The following MYO9A variants were observed in gnomAD, a reference collection of about 807,000 sequenced individuals.
The protein encoded by MYO9A is myosin IXA, also known as unconventional myosin-IXa.
A neutral mutation model predicts 293.3 loss-of-function variants in MYO9A; 103 were observed. The ratio of observed to expected loss-of-function variants is 0.35; its 90% CI spans 0.30 to 0.41. MYO9A has a LOEUF of 0.41. MYO9A is among the 10% of genes least tolerant of loss of function. MYO9A has a pLI of 1.00. For synonymous variants in MYO9A, 1,001 were observed against 1,035.7 expected (o/e 0.97, Z 0.64); for missense variants, 2,685 against 3,033.0 (o/e 0.89, Z 2.69).
At chr15:72,023,331 G>C (rs968720328) in intron 4 of MYO9A, among the ~76,000 whole-genome samples, 1 of 152,142 alleles carries the variant, frequency 6.6e-6, no homozygotes, top group African/African-American at 2.4e-5. Context: ...CCATTAAAAA[G>C]ACTCCTATGG....
At chr15:71,862,218 G>A (rs2056164727) in intron 33 of MYO9A, among the ~76,000 whole-genome samples, 1 of 152,148 alleles carries the variant, frequency 6.6e-6, no homozygotes, top group Non-Finnish European at 1.5e-5. Context: ...AAGGTGAGAT[G>A]TGAGTGTAGG....
At chr15:71,926,578 A>C (rs747770969) in intron 18 of MYO9A, among the ~76,000 whole-genome samples, 2 of 152,152 alleles carry the variant, frequency 1.3e-5, no homozygotes, top group Admixed American at 6.5e-5. Context: ...ATGGTGGTAC[A>C]TGCCTATATT....
intron 18 of MYO9A, among the ~76,000 whole-genome samples, chr15:71,922,296 T>G (rs1031576021): frequency 1.3e-5 from 2 of 152,196 alleles, no homozygotes; most frequent in African/African-American, 4.8e-5. Context: ...ATCTTTAATC[T>G]ACTTTAGGTC....
In MYO9A at chr15:71,826,912, A is replaced by G; in HGVS notation, c.7315T>C (p.Ser2439Pro). 6.2e-7 allele frequency: 1 copy of G among 1,614,120 alleles called. No individual in the cohort carries two copies. The highest frequency in any genetic ancestry group is 8.5e-7 in the Non-Finnish European group (1 of 1,179,982). Reference protein sequence around the residue: ...VDSSVSSLCLSNTASSHGTRK... With the variant: ...VDSSVSSLCLPNTASSHGTRK... Reference sequence around the variant, plus strand: ...GTCCCATGAGATGATGCCGTGTTAGACAGACATAAAGAGGAGACCGAAGAG... The same window carrying G: ...GTCCCATGAGATGATGCCGTGTTAGGCAGACATAAAGAGGAGACCGAAGAG... The change falls in exon 42 of 42, where the codon TCT becomes CCT. Residue 2439 changes from serine (S) to proline (P), a missense_variant. By Grantham distance (74) the Ser-to-Pro change is moderately conservative. This residue lies in a region of MYO9A where 350 missense variants were observed against 328.9 expected (regional missense o/e 1.06). Transcript: ENST00000356056.
intron 32 of MYO9A, among the ~76,000 whole-genome samples, chr15:71,872,973 C>T (rs928182913): frequency 2.0e-5 from 3 of 151,450 alleles, no homozygotes; most frequent in East Asian, 3.9e-4. Flanking sequence ...AGTGCAGTGG[C>T]GCGATCTCGG....
intron 13 of MYO9A, among the ~76,000 whole-genome samples, chr15:71,963,686 AG>A (rs2075802239): frequency 6.6e-6 from 1 of 152,136 alleles, no homozygotes; most frequent in Non-Finnish European, 1.5e-5. Flanking sequence ...TCCTGACCTC[AG>A]GTGATCTGCC....
chr15:71,886,659 C>T (rs1013070940), intron 27 of MYO9A, among the ~76,000 whole-genome samples: 2 of 152,144 alleles, frequency 1.3e-5, no homozygotes, highest in African/African-American at 4.8e-5. Context: ...TATGTATTAA[C>T]ATATTTAAAA....
Position 71,899,810 on chromosome 15 carries a change from T to C in MYO9A, c.3347A>G (p.His1116Arg), listed in dbSNP as rs377637966. The C allele has an allele frequency of 3.1e-6, 5 of 1,614,212 alleles. No individual in the cohort carries two copies. Among genetic ancestry groups the C allele is most frequent in the Non-Finnish European group, 8.5e-7 (1 of 1,180,042 alleles). Residue 1116 changes from histidine (H) to arginine (R), a missense_variant, in exon 24 of 42, where the codon CAC (histidine) becomes CGC (arginine). By Grantham distance (29) the His-to-Arg change is conservative (BLOSUM62 0). This residue lies in a region of MYO9A where 1,434 missense variants were observed against 1,497.7 expected (regional missense o/e 0.96). Coordinates refer to ENST00000356056, the MANE Select transcript of MYO9A (RefSeq NM_006901.4). ...QKWRDYYRRR[H>R]MAAICIQARW... ...TGCTTGTATGCAAATAGCAGCCATG[T>C]GCCTGCGCCTATAGTAATCTCTCCA...
At chr15:71,867,308 ACTGAGAATTC>A (rs896260884) in intron 32 of MYO9A, among the ~76,000 whole-genome samples, 2 of 152,192 alleles carry the variant, frequency 1.3e-5, no homozygotes, top group African/African-American at 4.8e-5. Context: ...GGAAGAAAAC[ACTGAGAATTC>A]CTTTATAACC....
intron 11 of MYO9A, among the ~76,000 whole-genome samples, chr15:71,983,466 A>ATTTTTTTTTTTTTTTTTTTTT (rs1217052840): frequency 1.2e-5 from 1 of 84,574 alleles, no homozygotes; most frequent in Non-Finnish European, 2.5e-5. Flanking sequence ...TATTTTTTTT[A>ATTTTTTTTTTTTTTTTTTTTT]TTTCTTTTTT....
chr15:71,917,895 AAAG>A (rs1372248390), intron 18 of MYO9A, among the ~76,000 whole-genome samples: 2 of 152,342 alleles, frequency 1.3e-5, no homozygotes, highest in Admixed American at 1.3e-4. Context: ...ATGCAAATTG[AAAG>A]AAGTACAACA....
chr15:72,030,904 T>C (rs968402433), intron 3 of MYO9A, among the ~76,000 whole-genome samples: 5 of 152,164 alleles, frequency 3.3e-5, no homozygotes, highest in African/African-American at 1.2e-4. Context: ...CCCCAGGGCA[T>C]GGACTCGTAG....
rs373216839 is a variant in MYO9A at position 72,088,091 on chromosome 15, G to T, written c.-72+29589C>A. Among the ~76,000 whole-genome samples, 27 of 152,290 alleles carry T rather than the reference G, an allele frequency of 1.8e-4. 1 individual carries two copies. The South Asian group carries it at 5.2e-3, about 29-fold the overall frequency. ...AGCAGCTACCAGCAAGCCAAAAAAAGAGGCTCCAGGAGAAACTAAACCTGA... is the reference window on the plus strand; with the variant it reads ...AGCAGCTACCAGCAAGCCAAAAAAATAGGCTCCAGGAGAAACTAAACCTGA... On this transcript the variant is annotated intron_variant, in intron 1 of 41. Transcript: ENST00000356056.
intron 1 of MYO9A, among the ~76,000 whole-genome samples, chr15:72,083,369 T>A (rs2079612857): frequency 6.6e-6 from 1 of 152,174 alleles, no homozygotes; most frequent in Non-Finnish European, 1.5e-5. Context: ...TAATAGCCCT[T>A]TTGTTGTTTC....
intron 4 of MYO9A, among the ~76,000 whole-genome samples, chr15:72,024,689 G>T (rs916989961): frequency 6.6e-6 from 1 of 152,156 alleles, no homozygotes; most frequent in Non-Finnish European, 1.5e-5. Flanking sequence ...AACAATTACA[G>T]GACAAAGGAG....
intron 18 of MYO9A, among the ~76,000 whole-genome samples, chr15:71,927,811 G>A (rs1463058428): frequency 6.6e-6 from 1 of 150,594 alleles, no homozygotes; most frequent in Non-Finnish European, 1.5e-5. Flanking sequence ...GTGAGATATG[G>A]TCCCAATTTC....
At position 72,046,499 on chromosome 15, in the gene MYO9A, G is replaced by C. The variant is rs1163758547; in HGVS notation, c.65C>G (p.Pro22Arg). The stretch of plus-strand genomic sequence containing the variant: ...GATTGTCCCTTCTGAAATAGCCCCA[G>C]GATATATCCGTAATGTATGTTCATT... ...EDNEHTLRIY[P>R]GAISEGTIYC... Residue 22 changes from proline to arginine, a missense_variant, in exon 2 of 42, where the codon CCT becomes CGT. By Grantham distance (103) the Pro-to-Arg change is moderately radical. Coordinates refer to ENST00000356056, the MANE Select transcript of MYO9A (RefSeq NM_006901.4). 8 of 1,613,802 alleles carry C rather than the reference G, an allele frequency of 5.0e-6. No homozygotes were observed. Among genetic ancestry groups the C allele is most frequent in the Admixed American group, 3.3e-5 (2 of 59,916 alleles).
At chr15:72,039,259 A>C (rs912209962) in intron 2 of MYO9A, among the ~76,000 whole-genome samples, 9 of 152,150 alleles carry the variant, frequency 5.9e-5, no homozygotes, top group African/African-American at 2.2e-4. Context: ...TAATTTCAAC[A>C]AAATACCATC....
At chr15:72,041,939 T>C (rs1213298604) in intron 2 of MYO9A, among the ~76,000 whole-genome samples, 1 of 150,874 alleles carries the variant, frequency 6.6e-6, no homozygotes, top group African/African-American at 2.4e-5. Flanking sequence ...CTTTTAAAAT[T>C]GAAACCTTGT....
Sources: allele counts gnomAD v4.1 joint callset (sites outside exome capture counted in the v4.1 genomes callset), GRCh38; gene constraint gnomAD v4.1.1; regional missense constraint gnomAD v4.1.1; transcripts MANE v1.5; gene names NCBI Gene and HGNC (gene_info 2026-07-23, HGNC 2026-07-21).